MREG: variants seen among roughly 807,000 people sequenced by gnomAD.
The protein encoded by MREG is melanoregulin.
MREG carries 31 observed loss-of-function variants against 28.5 expected under a neutral mutation model. The observed-to-expected ratio is 1.09, with a 90% CI of 0.82 to 1.47. MREG has a LOEUF of 1.47. Among genes scored for constraint, MREG ranks in the 40% most tolerant of loss-of-function variants. The probability of loss-of-function intolerance (pLI) is 0.00; values close to 1 mark genes in which losing one functional copy is unlikely to be tolerated. For missense variants in MREG, 256 were observed against 257.4 expected (o/e 0.99, Z 0.04); for synonymous variants, 106 against 95.2 (o/e 1.11, Z -0.66).
intron 1 of MREG, among the ~76,000 whole-genome samples, chr2:216,006,341 A>G (rs1343130504): frequency 1.3e-5 from 2 of 152,252 alleles, no homozygotes; most frequent in Non-Finnish European, 2.9e-5. Context: ...CCTAAAGCCC[A>G]GTCCCTGGGA....
chr2:216,018,567 C>T (rs76378357), intron 1 of MREG, among the ~76,000 whole-genome samples: 3,199 of 152,242 alleles, frequency 0.021, 127 homozygotes, highest in African/African-American at 0.073. Flanking sequence ...GAACAAGTAG[C>T]GTCTTCCTTA....
chr2:215,996,270 T>A (rs766328236), intron 2 of MREG, 36 bp downstream of exon 2: 13 of 1,592,884 alleles, frequency 8.2e-6, no homozygotes, highest in Non-Finnish European at 1.0e-5. Flanking sequence ...CTATATAGCA[T>A]CATCCGCGCA....
intron 2 of MREG, among the ~76,000 whole-genome samples, chr2:215,972,367 G>T (rs982899985): frequency 6.6e-6 from 1 of 152,224 alleles, no homozygotes; most frequent in South Asian, 2.1e-4. Flanking sequence ...GTGAGGCCAG[G>T]TGCAGTGGCT....
At chr2:215,983,325 C>T (rs1480314844) in intron 2 of MREG, among the ~76,000 whole-genome samples, 1 of 152,222 alleles carries the variant, frequency 6.6e-6, no homozygotes, top group Non-Finnish European at 1.5e-5. Context: ...ATCTCAGTTT[C>T]TGAGTGCTTA....
At chr2:216,021,712 T>C (rs1694524671) in intron 1 of MREG, among the ~76,000 whole-genome samples, 1 of 152,106 alleles carries the variant, frequency 6.6e-6, no homozygotes. Flanking sequence ...GCTGTCAGGA[T>C]TGGGTGAAAT....
upstream of MREG, among the ~76,000 whole-genome samples, chr2:216,015,506 AC>A (rs1261021195): frequency 1.3e-5 from 2 of 152,002 alleles, no homozygotes; most frequent in African/African-American, 4.8e-5. Context: ...GATTGCAAGG[AC>A]TCTGGATTTT....
intron 1 of MREG, among the ~76,000 whole-genome samples, chr2:216,029,094 A>T (rs2105933313): frequency 6.6e-6 from 1 of 152,180 alleles, no homozygotes; most frequent in East Asian, 1.9e-4. Flanking sequence ...AAAAGATGTT[A>T]TATTCATCTT....
At chr2:216,006,602 G>A (rs931354155) in intron 1 of MREG, among the ~76,000 whole-genome samples, 13 of 152,188 alleles carry the variant, frequency 8.5e-5, no homozygotes, top group Non-Finnish European at 1.6e-4. Context: ...ACCTGGCTCC[G>A]GAAAACCCAA....
chr2:215,981,103 T>C (rs901040061), intron 2 of MREG, among the ~76,000 whole-genome samples: 5 of 152,136 alleles, frequency 3.3e-5, no homozygotes, highest in African/African-American at 1.2e-4. Context: ...AATTAAATAA[T>C]TAATAACTCA....
chr2:215,976,959 G>A (rs974963639), intron 2 of MREG, among the ~76,000 whole-genome samples: 1 of 152,134 alleles, frequency 6.6e-6, no homozygotes, highest in Non-Finnish European at 1.5e-5. Flanking sequence ...TGCTAGGAAG[G>A]AACTGCATCA....
At chr2:216,023,179 C>T (rs1446175444) in intron 1 of MREG, among the ~76,000 whole-genome samples, 1 of 152,198 alleles carries the variant, frequency 6.6e-6, no homozygotes, top group African/African-American at 2.4e-5. Flanking sequence ...ATATACAAAC[C>T]TTAGACTTCC....
At chr2:215,999,834 A>G (rs3755154) in intron 1 of MREG, among the ~76,000 whole-genome samples, 98,337 of 152,014 alleles carry the variant, frequency 0.65, 32,215 homozygotes, top group Non-Finnish European at 0.69. Flanking sequence ...ATGTTCAGGG[A>G]GATGTCAGGG....
At chr2:215,947,515 C>G (rs894988096) in intron 2 of MREG, among the ~76,000 whole-genome samples, 13 of 152,126 alleles carry the variant, frequency 8.5e-5, no homozygotes, top group Non-Finnish European at 1.6e-4. Flanking sequence ...ATTATTAAAG[C>G]CATTTTATAG....
chr2:215,961,384 G>A (rs1020821351), intron 2 of MREG, among the ~76,000 whole-genome samples: 7 of 151,980 alleles, frequency 4.6e-5, no homozygotes. Context: ...TCAGTGAGAT[G>A]AGAACTAGCT....
At chr2:215,950,777 A>T (rs1692460803) in intron 2 of MREG, among the ~76,000 whole-genome samples, 1 of 152,104 alleles carries the variant, frequency 6.6e-6, no homozygotes, top group Non-Finnish European at 1.5e-5. Flanking sequence ...TAAACATGTG[A>T]CTCCAAAGAA....
intron 1 of MREG, among the ~76,000 whole-genome samples, chr2:216,021,210 C>T (rs1302576936): frequency 6.6e-6 from 1 of 152,108 alleles, no homozygotes; most frequent in Non-Finnish European, 1.5e-5. Context: ...TGCAGTGATG[C>T]AATCTCGGCT....
intron 1 of MREG, among the ~76,000 whole-genome samples, chr2:215,997,730 G>A (rs931111431): frequency 2.0e-5 from 3 of 152,178 alleles, no homozygotes; most frequent in African/African-American, 7.2e-5. Context: ...GCGTCAGGTA[G>A]GTGTCATGAA....
Position 215,944,568 on chromosome 2 carries a change from A to G in MREG, c.*295T>C, listed in dbSNP as rs1202607448. ...ATGATCAGAGATTATGACACAACTA[A>G]AACCAAAGCTGGGGCAATGGGCTCT... On this transcript the variant is annotated 3_prime_UTR_variant, in exon 5 of 5. Transcript: ENST00000263268. 4.3e-6 allele frequency: 1 copy of G among 231,424 alleles called. No individual in the cohort carries two copies. The highest frequency in any genetic ancestry group is 2.2e-5 in the African/African-American group (1 of 44,984). The allele number at this position is 231,424 out of a possible 1,614,324, so 14.3% of individuals were successfully genotyped here.
chr2:215,996,319 G>C lies in MREG; in HGVS notation c.242C>G (p.Ala81Gly). ...YNLIVIRNQQAKDSEEWQKLN... is the reference protein window; with the variant it reads ...YNLIVIRNQQGKDSEEWQKLN... ...AAAGGTGCTCACCTCTGAGTCTTTG[G>C]CCTGCTGATTACGAATGACTATCAA... Residue 81 changes from alanine to glycine, a missense_variant, in exon 2 of 5, where the codon GCC becomes GGC. Physicochemically the swap from Ala to Gly is moderately conservative, Grantham distance 60. Coordinates refer to ENST00000263268, the MANE Select transcript of MREG (RefSeq NM_018000.3). The C allele has an allele frequency of 6.2e-7, 1 of 1,613,592 alleles. No individual in the cohort carries two copies. Among genetic ancestry groups the C allele is most frequent in the Non-Finnish European group, 8.5e-7 (1 of 1,179,788 alleles).
Sources: allele counts gnomAD v4.1 joint callset (sites outside exome capture counted in the v4.1 genomes callset), GRCh38; gene constraint gnomAD v4.1.1; transcripts MANE v1.5; gene names NCBI Gene and HGNC (gene_info 2026-07-23, HGNC 2026-07-21).